ATL2: variants seen among roughly 807,000 people sequenced by gnomAD.
ATL2 encodes the protein atlastin GTPase 2, also known as atlastin-2.
ATL2 carries 31 observed loss-of-function variants against 73.9 expected under a neutral mutation model. The observed-to-expected ratio is 0.42, with a 90% CI of 0.32 to 0.57. The LOEUF is 0.57. Among genes scored for constraint, ATL2 ranks in the 20% least tolerant of loss-of-function variants. The pLI, the probability that ATL2 is intolerant of heterozygous loss-of-function variation, is 0.14. For missense variants in ATL2, 738 were observed against 702.6 expected, an observed-to-expected ratio of 1.05 and a Z score of -0.57; for synonymous variants, 291 against 237.5, an observed-to-expected ratio of 1.23 and a Z score of -2.07.
intron 2 of ATL2, among the ~76,000 whole-genome samples, chr2:38,332,346 A>G (rs1471023248): frequency 6.6e-6 from 1 of 152,162 alleles, no homozygotes; most frequent in Non-Finnish European, 1.5e-5. Flanking sequence ...AGCTGGAACT[A>G]CAGATACACA....
At chr2:38,360,430 C>T (rs1005809362) in intron 1 of ATL2, among the ~76,000 whole-genome samples, 1 of 151,970 alleles carries the variant, frequency 6.6e-6, no homozygotes, top group Admixed American at 6.6e-5. Context: ...GGACCACAGG[C>T]ATGCACTACC....
At chr2:38,346,057 G>A (rs1267523509) in intron 1 of ATL2, among the ~76,000 whole-genome samples, 1 of 152,218 alleles carries the variant, frequency 6.6e-6, no homozygotes, top group Non-Finnish European at 1.5e-5. Context: ...CTTGACCAGT[G>A]TAGCTGCGTA....
At position 38,318,935 on chromosome 2, in the gene ATL2, T is replaced by C. The variant is rs2148437226; in HGVS notation, c.448A>G (p.Ile150Val). The stretch of plus-strand genomic sequence containing the variant: ...ACAAATACTTCATTCCAAACTTGTA[T>C]GCCTGTTGTTTCTCTTTCACAGCCA... ...RGGCERETTG[I>V]QVWNEVFVID... The change falls in exon 3 of 13, where the codon ATA (isoleucine) becomes GTA (valine). Residue 150 changes from isoleucine (I) to valine (V), a missense_variant. By Grantham distance (29) the Ile-to-Val change is conservative (BLOSUM62 3). Transcript: ENST00000378954. 6.2e-7 allele frequency: 1 copy of C among 1,614,094 alleles called. No homozygotes were observed. Among genetic ancestry groups the C allele is most frequent in the Non-Finnish European group, 8.5e-7 (1 of 1,179,960 alleles).
intron 9 of ATL2, among the ~76,000 whole-genome samples, chr2:38,308,006 G>T (rs569730430): frequency 4.2e-4 from 64 of 151,070 alleles, no homozygotes; most frequent in African/African-American, 1.5e-3. Context: ...ACTGTTGGCA[G>T]AAAGGTAAAT....
intron 1 of ATL2, chr2:38,376,349 C>T: frequency 1.1e-6 from 1 of 894,550 alleles, no homozygotes; most frequent in Non-Finnish European, 1.6e-6. Context: ...AGTAGGAGCT[C>T]ACATTCAGCA....
intron 1 of ATL2, among the ~76,000 whole-genome samples, chr2:38,354,598 G>C (rs1329838310): frequency 6.6e-6 from 1 of 152,040 alleles, no homozygotes; most frequent in Non-Finnish European, 1.5e-5. Context: ...AGCTTAAAAA[G>C]CCAATAAGGG....
chr2:38,354,229 T>C (rs999025444), intron 1 of ATL2: 1 of 402,154 alleles, frequency 2.5e-6, no homozygotes, highest in African/African-American at 2.3e-5. Context: ...GTGCATTACA[T>C]GAGAGCTATA....
rs1414993233 is a variant in ATL2, at chr2:38,294,591, AAAG to A, written c.*1400_*1402del. On this transcript the variant is annotated 3_prime_UTR_variant, in exon 13 of 13. Coordinates refer to ENST00000378954, the MANE Select transcript of ATL2 (RefSeq NM_001135673.4). ...ACTAGGTACTTTAATCGGTGTTCAC[AAAG>A]AAGACCACAAAAGTACTGAAAAAAT... 6.6e-6 allele frequency among the ~76,000 whole-genome samples: 1 copy of A among 152,044 alleles called. No homozygotes were observed. Among genetic ancestry groups the A allele is most frequent in the African/African-American group, 2.4e-5 (1 of 41,352 alleles).
At chr2:38,320,085 CA>C (rs1236115519) in intron 2 of ATL2, among the ~76,000 whole-genome samples, 42 of 152,118 alleles carry the variant, frequency 2.8e-4, no homozygotes, top group African/African-American at 9.9e-4. Context: ...CCAGCCTGGC[CA>C]AAAGAGCGAA....
At chr2:38,313,068 G>A in intron 7 of ATL2, 83 bp downstream of exon 7, 1 of 884,822 alleles carries the variant, frequency 1.1e-6, no homozygotes, top group Admixed American at 2.3e-5. Flanking sequence ...GTAAATACTG[G>A]TAATGTGACC....
chr2:38,345,350 TTA>T (rs1355877533), intron 1 of ATL2, among the ~76,000 whole-genome samples: 1 of 152,146 alleles, frequency 6.6e-6, no homozygotes. Flanking sequence ...AGAGCAAAGA[TTA>T]TATAACTACA....
intron 5 of ATL2, among the ~76,000 whole-genome samples, 165 bp from the exon 6 acceptor site, chr2:38,314,829 TAAG>T (rs920215817): frequency 1.3e-5 from 2 of 152,252 alleles, no homozygotes; most frequent in African/African-American, 4.8e-5. Context: ...TTCTTCCAGT[TAAG>T]AAGTCATACA....
chr2:38,345,534 G>C (rs1010099901), intron 1 of ATL2, among the ~76,000 whole-genome samples: 1 of 152,138 alleles, frequency 6.6e-6, no homozygotes, highest in Non-Finnish European at 1.5e-5. Flanking sequence ...TAAAGAGCAA[G>C]CCACTTCAAA....
chr2:38,309,331 G>C (rs777482271), intron 9 of ATL2, 48 bp downstream of exon 9: 56 of 1,536,648 alleles, frequency 3.6e-5, no homozygotes, highest in Non-Finnish European at 4.9e-5. Context: ...TGAGTTTTAA[G>C]TCAACTACAT....
chr2:38,344,237 C>A (rs890842274), intron 1 of ATL2, among the ~76,000 whole-genome samples: 1 of 152,168 alleles, frequency 6.6e-6, no homozygotes, highest in Admixed American at 6.5e-5. Context: ...TCACCTGATA[C>A]TTCAAATCCC....
At chr2:38,321,656 G>A (rs1284541773) in intron 2 of ATL2, among the ~76,000 whole-genome samples, 2 of 152,090 alleles carry the variant, frequency 1.3e-5, no homozygotes, top group African/African-American at 2.4e-5. Context: ...CTGTGGCTCC[G>A]CACTACCAAT....
intron 5 of ATL2, 46 bp from the exon 6 acceptor site, chr2:38,314,710 A>T (rs1012366653): frequency 1.5e-6 from 2 of 1,291,430 alleles, no homozygotes; most frequent in African/African-American, 3.0e-5. Flanking sequence ...AGAGATTGAA[A>T]GAAGACATGT....
chr2:38,296,725 C>T, intron 12 of ATL2: 1 of 1,551,928 alleles, frequency 6.4e-7, no homozygotes, highest in Non-Finnish European at 8.7e-7. Flanking sequence ...AAGAGAAATG[C>T]AAAGAAATTT....
chr2:38,371,604 A>G (rs1317428662), intron 1 of ATL2, among the ~76,000 whole-genome samples: 1 of 152,286 alleles, frequency 6.6e-6, no homozygotes, highest in Non-Finnish European at 1.5e-5. Context: ...ACAGAAAAAC[A>G]TTACAGACCC....
Sources: allele counts gnomAD v4.1 joint callset (sites outside exome capture counted in the v4.1 genomes callset), GRCh38; gene constraint gnomAD v4.1.1; transcripts MANE v1.5; gene names NCBI Gene and HGNC (gene_info 2026-07-23, HGNC 2026-07-21).